Variants in RAB38 observed in about 807,000 individuals in gnomAD.
The protein encoded by RAB38 is ras-related protein Rab-38.
RAB38 carries 15 observed loss-of-function variants against 18.4 expected under a neutral mutation model. The ratio of observed to expected loss-of-function variants is 0.82; its 90% CI spans 0.55 to 1.26. RAB38 has a LOEUF of 1.26. Among genes scored for constraint, RAB38 ranks in the 50% most tolerant of loss-of-function variants. The probability of loss-of-function intolerance (pLI) is 0.00; values close to 1 mark genes in which losing one functional copy is unlikely to be tolerated. For missense variants in RAB38, 294 were observed against 267.4 expected (o/e 1.10, Z -0.69); for synonymous variants, 101 against 104.4 (o/e 0.97, Z 0.20).
chr11:88,044,395 C>T, the RAB38 span, among the ~76,000 whole-genome samples: 1 of 152,056 alleles, frequency 6.6e-6, no homozygotes, highest in Non-Finnish European at 1.5e-5. Flanking sequence ...CTGGGCTTGC[C>T]TCCTTCACTA....
the RAB38 span, among the ~76,000 whole-genome samples, chr11:88,053,352 TACACACAC>T: frequency 2.9e-5 from 2 of 68,704 alleles, no homozygotes; most frequent in African/African-American, 8.4e-5. Context: ...AATATATATA[TACACACAC>T]ATATATATGG....
At chr11:88,039,014 A>G in the RAB38 span, among the ~76,000 whole-genome samples, 32 of 152,322 alleles carry the variant, frequency 2.1e-4, no homozygotes, top group African/African-American at 7.5e-4. Context: ...AACTTCAGAA[A>G]AATAATGAGG....
At chr11:88,081,398 G>A in the RAB38 span, among the ~76,000 whole-genome samples, 1 of 151,894 alleles carries the variant, frequency 6.6e-6, no homozygotes, top group African/African-American at 2.4e-5. Flanking sequence ...CTCCAAACCT[G>A]ACAACTTAAA....
chr11:88,073,953 C>T, the RAB38 span, among the ~76,000 whole-genome samples: 1 of 150,490 alleles, frequency 6.6e-6, no homozygotes, highest in African/African-American at 2.4e-5. Flanking sequence ...AATCAGTGAG[C>T]TTGAATAGAC....
the RAB38 span, among the ~76,000 whole-genome samples, chr11:87,877,865 A>G: frequency 1.3e-5 from 2 of 151,414 alleles, no homozygotes; most frequent in African/African-American, 4.8e-5. Context: ...GTGTTACATA[A>G]TTGCCAGATT....
chr11:88,148,072 A>G (rs1943014113), intron 2 of RAB38, among the ~76,000 whole-genome samples: 1 of 152,206 alleles, frequency 6.6e-6, no homozygotes, highest in South Asian at 2.1e-4. Flanking sequence ...TGGGAAATGT[A>G]TCCTGAACCA....
chr11:87,835,340 C>G, the RAB38 span, among the ~76,000 whole-genome samples: 9 of 152,054 alleles, frequency 5.9e-5, no homozygotes, highest in Non-Finnish European at 8.8e-5. Context: ...TACTTGTGGT[C>G]ACTGCCAGTC....
chr11:87,975,892 T>C, the RAB38 span, among the ~76,000 whole-genome samples: 26 of 151,382 alleles, frequency 1.7e-4, no homozygotes, highest in Admixed American at 4.6e-4. Context: ...ATGAATAACA[T>C]AGGGTATCTC....
the RAB38 span, among the ~76,000 whole-genome samples, chr11:87,812,190 T>C: frequency 2.0e-4 from 30 of 152,224 alleles, no homozygotes; most frequent in African/African-American, 6.8e-4. Context: ...TCATAATTTG[T>C]AAAATGAATA....
chr11:87,878,557 T>C, the RAB38 span, among the ~76,000 whole-genome samples: 2 of 151,506 alleles, frequency 1.3e-5, no homozygotes, highest in Admixed American at 1.3e-4. Context: ...CCCAAGGCAA[T>C]GTTGAGAATG....
At chr11:88,107,145 T>A in the RAB38 span, among the ~76,000 whole-genome samples, 61 of 152,264 alleles carry the variant, frequency 4.0e-4, no homozygotes, top group African/African-American at 1.3e-3. Flanking sequence ...TTTATTTGCA[T>A]ACCACAGATT....
chr11:88,114,697 T>A (rs1942524644), intron 2 of RAB38, among the ~76,000 whole-genome samples: 1 of 152,232 alleles, frequency 6.6e-6, no homozygotes, highest in African/African-American at 2.4e-5. Flanking sequence ...AAGTAATGTG[T>A]GTCACTTTCA....
the RAB38 span, among the ~76,000 whole-genome samples, chr11:87,903,784 AAG>A: frequency 1.6e-4 from 24 of 151,502 alleles, no homozygotes; most frequent in Middle Eastern, 3.4e-3. Flanking sequence ...GGTTGAATGA[AAG>A]AGCTTTTTTC....
the RAB38 span, among the ~76,000 whole-genome samples, chr11:87,862,958 T>C: frequency 6.6e-6 from 1 of 151,872 alleles, no homozygotes; most frequent in African/African-American, 2.4e-5. Context: ...GTCACTCTAA[T>C]TTAGTAATTC....
the RAB38 span, among the ~76,000 whole-genome samples, chr11:88,033,087 T>A: frequency 7.2e-5 from 11 of 152,036 alleles, no homozygotes; most frequent in Non-Finnish European, 1.5e-5. Context: ...GGGACATCGA[T>A]GAAATTGGAA....
chr11:87,838,700 G>A, the RAB38 span, among the ~76,000 whole-genome samples: 3 of 152,144 alleles, frequency 2.0e-5, no homozygotes, highest in African/African-American at 7.2e-5. Context: ...CCCATGGTGG[G>A]CATTCGTCAC....
downstream of RAB38, among the ~76,000 whole-genome samples, chr11:88,111,321 A>G (rs1392362626): frequency 1.3e-4 from 19 of 151,612 alleles, no homozygotes; most frequent in Admixed American, 1.2e-3. Flanking sequence ...CTGCTCCACT[A>G]TCTAGTAGCA....
At chr11:88,134,874 C>T (rs1377110534) in intron 2 of RAB38, among the ~76,000 whole-genome samples, 3 of 152,118 alleles carry the variant, frequency 2.0e-5, no homozygotes, top group Non-Finnish European at 4.4e-5. Context: ...AAAATTCTTA[C>T]AATTATCTAA....
chr11:88,055,976 G>A, the RAB38 span, among the ~76,000 whole-genome samples: 99 of 152,142 alleles, frequency 6.5e-4, 1 homozygote, highest in East Asian at 0.013. Flanking sequence ...CCCTCATACT[G>A]CTACTTAGGT....
Sources: gnomAD v4.1 joint callset for allele counts (sites outside exome capture counted in the v4.1 genomes callset) on GRCh38, gnomAD v4.1.1 for gene constraint, MANE v1.5 for transcripts, NCBI Gene and HGNC (gene_info 2026-07-23, HGNC 2026-07-21) for gene names.